Variants in NFKBIZ observed in about 807,000 individuals in gnomAD.
NFKBIZ encodes the protein NF-kappa-B inhibitor zeta.
In NFKBIZ, 19 loss-of-function variants were observed where a neutral mutation model predicts 76.8. That is an observed-to-expected ratio of 0.25 (90% confidence interval 0.17 to 0.36). NFKBIZ has a LOEUF of 0.36. Among genes scored for constraint, NFKBIZ ranks in the 10% least tolerant of loss-of-function variants. The pLI, the probability that NFKBIZ is intolerant of heterozygous loss-of-function variation, is 1.00. For missense variants in NFKBIZ, 829 were observed against 910.9 expected, an observed-to-expected ratio of 0.91 and a Z score of 1.16; for synonymous variants, 368 against 354.8, an observed-to-expected ratio of 1.04 and a Z score of -0.42.
intron 2 of NFKBIZ, among the ~76,000 whole-genome samples, chr3:101,831,590 T>TCTCCTTCTCCTTCTTCTC (rs1427246058): frequency 6.6e-6 from 1 of 152,022 alleles, no homozygotes; most frequent in Non-Finnish European, 1.5e-5. Flanking sequence ...TCCTCCTTTT[T>TCTCCTTCTCCTTCTTCTC]CTCCTTCTCC....
intron 11 of NFKBIZ, chr3:101,858,095 T>C (rs1943077457): frequency 1.0e-6 from 1 of 964,414 alleles, no homozygotes; most frequent in African/African-American, 1.8e-5. Context: ...ACTTATTCTT[T>C]CAAGAACTTA....
chr3:101,855,257 G>C, intron 7 of NFKBIZ, 49 bp downstream of exon 7: 2 of 1,600,620 alleles, frequency 1.2e-6, no homozygotes, highest in Non-Finnish European at 1.7e-6. Context: ...CAGAGAGATA[G>C]AGTTGGATAT....
chr3:101,857,799 G>T (rs554905250), intron 11 of NFKBIZ: 30 of 985,172 alleles, frequency 3.0e-5, no homozygotes, highest in African/African-American at 3.5e-5. Context: ...TCTTAGTCTT[G>T]TAATGTATGA....
Position 101,843,710 on chromosome 3 carries a change from T to C in NFKBIZ, c.-11-8375T>C, listed in dbSNP as rs118090428. On this transcript the variant is annotated intron_variant, in intron 2 of 12. Transcript: ENST00000394054. ...ACATCTTCTGATACATTAAAATCCA[T>C]TGGCCACTTTGAATGGCTCTTTCAC... 3.2e-3 allele frequency among the ~76,000 whole-genome samples: 481 copies of C among 152,346 alleles called. 6 individuals are homozygous for C. The East Asian group carries it at 0.044, about 14-fold the overall frequency.
At chr3:101,854,068 GAT>G (rs749103817) in intron 5 of NFKBIZ, among the ~76,000 whole-genome samples, 4 of 152,178 alleles carry the variant, frequency 2.6e-5, no homozygotes, top group Non-Finnish European at 5.9e-5. Context: ...TGGCTGAACA[GAT>G]AATCTGTTCT....
At position 101,849,650 on chromosome 3, in the gene NFKBIZ, G is replaced by A; in HGVS notation, c.22G>A (p.Asp8Asn). 2.1e-6 allele frequency: 3 copies of A among 1,398,596 alleles called. No individual in the cohort carries two copies. The highest frequency in any genetic ancestry group is 1.8e-6 in the Non-Finnish European group (2 of 1,086,016). The allele number at this position is 1,398,596 out of a possible 1,614,324, so 86.6% of individuals were successfully genotyped here. A position where few individuals can be genotyped will look rare whatever the true frequency, so the allele number is the denominator to read the frequency against. Reference sequence around the variant, plus strand: ...GAGCATGATTGTGGACAAGCTGCTGGACGACAGCCGCGGCGGAGAGGGGCT... The same window carrying A: ...GAGCATGATTGTGGACAAGCTGCTGAACGACAGCCGCGGCGGAGAGGGGCT... Reference protein sequence around the residue: MIVDKLLDDSRGGEGLRD... With the variant: MIVDKLLNDSRGGEGLRD... Residue 8 changes from aspartate to asparagine, a missense_variant, in exon 1 of 12, where the codon GAC becomes AAC. Asp to Asn is a conservative substitution (Grantham distance 23). This residue lies in a region of NFKBIZ where 181 missense variants were observed against 175.3 expected (regional missense o/e 1.03). Transcript: ENST00000326172.
intron 5 of NFKBIZ, 97 bp from the exon 6 acceptor site, chr3:101,854,481 A>T: frequency 6.8e-6 from 5 of 733,978 alleles, no homozygotes; most frequent in Non-Finnish European, 1.1e-5. Flanking sequence ...ACCAATATAT[A>T]AAAAGGGGGC....
At chr3:101,839,197 A>T (rs999830667) in intron 2 of NFKBIZ, among the ~76,000 whole-genome samples, 3 of 152,224 alleles carry the variant, frequency 2.0e-5, no homozygotes, top group Non-Finnish European at 4.4e-5. Context: ...CTAGAGACTT[A>T]TAAAAACAAA....
At position 101,853,678 on chromosome 3, in the gene NFKBIZ, C is replaced by T. The variant is rs1943004889; in HGVS notation, c.1152C>T (p.Ala384=). 3 of 1,614,238 alleles carry T rather than the reference C, an allele frequency of 1.9e-6. No individual in the cohort carries two copies. Among genetic ancestry groups the T allele is most frequent in the Middle Eastern group, 1.6e-4 (1 of 6,062 alleles). The change falls in exon 5 of 12, where the codon GCC becomes GCT. Residue 384 remains alanine (A), a synonymous_variant. Coordinates refer to ENST00000326172, the MANE Select transcript of NFKBIZ (RefSeq NM_031419.4). ...FSMMPSSACE[A]MVGHEMASDS... ...TGATGCCCAGCAGCGCCTGTGAGGC[C>T]ATGGTGGGGCACGAGATGGCCTCTG...
chr3:101,853,885 G>A lies in NFKBIZ; in HGVS notation c.1337+22G>A, dbSNP rs775288871. On this transcript the variant is annotated intron_variant, in intron 5 of 11. Transcript: ENST00000326172. ...ACACGTGAGTATTCTTTTATCTCAT[G>A]TTCTTAATTAGGTAAGCCACACTTG... The A allele has an allele frequency of 5.0e-6, 8 of 1,600,518 alleles. No homozygotes were observed. The East Asian group carries it at 1.8e-4, about 36-fold the overall frequency.
chr3:101,845,056 C>T (rs1942830984), upstream of NFKBIZ, among the ~76,000 whole-genome samples: 1 of 152,004 alleles, frequency 6.6e-6, no homozygotes, highest in African/African-American at 2.4e-5. Context: ...ATCATGAGAT[C>T]AGGAGATTGA....
intron 2 of NFKBIZ, among the ~76,000 whole-genome samples, chr3:101,836,164 C>G (rs1942717547): frequency 2.0e-5 from 3 of 152,134 alleles, no homozygotes; most frequent in Admixed American, 2.0e-4. Flanking sequence ...TGATTATACT[C>G]TTGGCAACAT....
At chr3:101,857,853 G>A (rs1943073093) in intron 11 of NFKBIZ, 2 of 950,216 alleles carry the variant, frequency 2.1e-6, no homozygotes. Context: ...TACATGTGGA[G>A]TGCTCACAAT....
chr3:101,850,098 C>T (rs990592443), intron 1 of NFKBIZ, among the ~76,000 whole-genome samples, 181 bp downstream of exon 1: 7 of 152,172 alleles, frequency 4.6e-5, no homozygotes, highest in Admixed American at 3.9e-4. Context: ...CCTACACGCC[C>T]TTCGCCGGCC....
chr3:101,852,638 TGG>T, intron 2 of NFKBIZ, 98 bp from the exon 3 acceptor site: 15 of 757,960 alleles, frequency 2.0e-5, no homozygotes, highest in Non-Finnish European at 3.1e-5. Context: ...CAGAGATTTA[TGG>T]TAAGCTATAA....
At chr3:101,841,576 C>T (rs1576808819) in intron 2 of NFKBIZ, among the ~76,000 whole-genome samples, 1 of 152,166 alleles carries the variant, frequency 6.6e-6, no homozygotes, top group East Asian at 1.9e-4. Flanking sequence ...CTGATTTACT[C>T]ATCTGCATTA....
At chr3:101,847,763 C>T (rs575350088), upstream of NFKBIZ, among the ~76,000 whole-genome samples, 1 of 152,204 alleles carries the variant, frequency 6.6e-6, no homozygotes, top group Non-Finnish European at 1.5e-5. Context: ...ACTTAAACAT[C>T]ATTTTGTGGG....
intron 2 of NFKBIZ, 96 bp downstream of exon 2, chr3:101,852,320 C>A (rs1293561465): frequency 1.4e-6 from 2 of 1,431,158 alleles, no homozygotes; most frequent in Admixed American, 2.2e-5. Context: ...TCAAGTAAGT[C>A]ACTTGAAATT....
chr3:101,847,504 T>C (rs1004779426), upstream of NFKBIZ, among the ~76,000 whole-genome samples: 22 of 152,242 alleles, frequency 1.4e-4, no homozygotes, highest in African/African-American at 5.3e-4. Context: ...ATTTTGTCGT[T>C]GTTTGAACAT....
Sources: allele counts gnomAD v4.1 joint callset (sites outside exome capture counted in the v4.1 genomes callset), GRCh38; gene constraint gnomAD v4.1.1; regional missense constraint gnomAD v4.1.1; transcripts MANE v1.5; gene names NCBI Gene and HGNC (gene_info 2026-07-23, HGNC 2026-07-21).